The following MCOLN2 variants were observed in gnomAD, a reference collection of about 807,000 sequenced individuals.
The protein encoded by MCOLN2 is mucolipin-2.
MCOLN2 carries 57 observed loss-of-function variants against 67.5 expected under a neutral mutation model. The ratio of observed to expected loss-of-function variants is 0.84; its 90% CI spans 0.68 to 1.05. The LOEUF is 1.05. MCOLN2 is among the 50% of genes least tolerant of loss of function. The probability of loss-of-function intolerance (pLI) is 0.00; values close to 1 mark genes in which losing one functional copy is unlikely to be tolerated. For synonymous variants in MCOLN2, 246 were observed against 233.3 expected (o/e 1.05, Z -0.50); for missense variants, 620 against 678.8 (o/e 0.91, Z 0.96).
intron 11 of MCOLN2, chr1:84,937,476 C>G: frequency 2.0e-6 from 1 of 502,336 alleles, no homozygotes; most frequent in Middle Eastern, 6.5e-4. Context: ...CAAACATTTC[C>G]CATTTGATGA....
chr1:84,956,473 G>A lies in MCOLN2; in HGVS notation c.523C>T (p.Pro175Ser), dbSNP rs764082069. Reference protein sequence around the residue: ...KQHYKKGTMFPSNETLNIDND... With the variant: ...KQHYKKGTMFSSNETLNIDND... The stretch of plus-strand genomic sequence containing the variant: ...TCAATATTCAGTGTCTCATTAGAAG[G>A]AAACATGGTCCCTTTCTTGTAATGC... The change falls in exon 4 of 14, where the codon CCT becomes TCT. Residue 175 changes from proline (P) to serine (S), a missense_variant. Physicochemically the swap from Pro to Ser is moderately conservative, Grantham distance 74. Transcript: ENST00000370608. 5.0e-6 allele frequency: 8 copies of A among 1,611,082 alleles called. No homozygotes were observed. In the African/African-American group the frequency reaches 1.1e-4, roughly 22 times the overall value.
chr1:84,954,446 G>A (rs1368322252), intron 4 of MCOLN2, among the ~76,000 whole-genome samples: 1 of 152,314 alleles, frequency 6.6e-6, no homozygotes, highest in African/African-American at 2.4e-5. Flanking sequence ...CTCCATACCA[G>A]ACACTGTGCT....
At chr1:84,976,314 A>G (rs1395027726) in intron 1 of MCOLN2, among the ~76,000 whole-genome samples, 1 of 152,212 alleles carries the variant, frequency 6.6e-6, no homozygotes, top group Admixed American at 6.5e-5. Context: ...ATAACATACA[A>G]TGAAGCATCA....
intron 1 of MCOLN2, among the ~76,000 whole-genome samples, chr1:84,972,206 G>A (rs1385250079): frequency 5.9e-5 from 9 of 152,104 alleles, no homozygotes; most frequent in Non-Finnish European, 1.2e-4. Flanking sequence ...TAACTGTACC[G>A]TAAAACCACT....
intron 1 of MCOLN2, among the ~76,000 whole-genome samples, chr1:84,975,198 A>G (rs766927996): frequency 7.9e-5 from 12 of 152,158 alleles, no homozygotes; most frequent in Admixed American, 1.3e-4. Context: ...AGACACAGGA[A>G]GTAGCCAGGG....
chr1:84,977,323 G>A (rs1295119153), intron 1 of MCOLN2, among the ~76,000 whole-genome samples: 2 of 147,598 alleles, frequency 1.4e-5, no homozygotes, highest in Non-Finnish European at 2.9e-5. Flanking sequence ...AGACAAGAAA[G>A]AAGGAGAGAA....
rs796118361 is a variant in MCOLN2 at position 84,946,654 on chromosome 1, T to A, written c.847+379A>T. Among the ~76,000 whole-genome samples the A allele has an allele frequency of 2.0e-5, 3 of 152,226 alleles. No individual in the cohort carries two copies. In the South Asian group the frequency reaches 6.2e-4, roughly 31 times the overall value. On this transcript the variant is annotated intron_variant, in intron 7 of 13. Transcript: ENST00000370608. ...TTTCAAATTTTAGAGCATTTTGATT[T>A]CAGATTTTTCCGATTTGGGATGTTC...
At position 84,931,555 on chromosome 1, in the gene MCOLN2, T is replaced by C. The variant is rs376539885; in HGVS notation, c.1349A>G (p.Asn450Ser). Residue 450 changes from asparagine (N) to serine (S), a missense_variant, in exon 12 of 14, where the codon AAC (asparagine) becomes AGC (serine). Coordinates refer to ENST00000370608, the MANE Select transcript of MCOLN2 (RefSeq NM_153259.4). ...GPYHDKFENLNTVAECLFSLV... is the reference protein window; with the variant it reads ...GPYHDKFENLSTVAECLFSLV... ...AGAAAACAGACACTCAGCAACTGTG[T>C]TCAGATTTTCAAACTGTAGGGGGAA... 1.5e-5 allele frequency: 24 copies of C among 1,613,704 alleles called. No homozygotes were observed. The highest frequency in any genetic ancestry group is 1.6e-4 in the Middle Eastern group (1 of 6,084).
chr1:84,958,077 TTTTA>T (rs1343573011), intron 3 of MCOLN2, among the ~76,000 whole-genome samples: 3 of 152,292 alleles, frequency 2.0e-5, no homozygotes, highest in Admixed American at 6.5e-5. Context: ...TCCCTGATTT[TTTTA>T]TTTATTTACT....
At chr1:84,940,011 A>T (rs1647664352) in intron 8 of MCOLN2, among the ~76,000 whole-genome samples, 1 of 152,044 alleles carries the variant, frequency 6.6e-6, no homozygotes, top group Non-Finnish European at 1.5e-5. Context: ...TCCGATAACA[A>T]CCCAATGAAG....
At chr1:84,946,935 T>C in intron 7 of MCOLN2, 98 bp downstream of exon 7, 1 of 648,378 alleles carries the variant, frequency 1.5e-6, no homozygotes, top group Non-Finnish European at 2.8e-6. Context: ...GTTTTCTTCC[T>C]ATTATCATGC....
intron 1 of MCOLN2, among the ~76,000 whole-genome samples, chr1:84,991,785 C>T (rs1650900936): frequency 6.6e-6 from 1 of 152,122 alleles, no homozygotes; most frequent in African/African-American, 2.4e-5. Flanking sequence ...TTTTAAAGTG[C>T]TTCTTCTAAA....
intron 9 of MCOLN2, among the ~76,000 whole-genome samples, 155 bp downstream of exon 9, chr1:84,939,398 C>T (rs190629566): frequency 1.1e-4 from 16 of 152,258 alleles, no homozygotes; most frequent in Admixed American, 8.5e-4. Flanking sequence ...TTTCCCTTCA[C>T]GAGGAACCAA....
At chr1:84,967,113 T>A (rs1285988162) in intron 1 of MCOLN2, among the ~76,000 whole-genome samples, 1 of 152,198 alleles carries the variant, frequency 6.6e-6, no homozygotes, top group Non-Finnish European at 1.5e-5. Flanking sequence ...ATCAGTGACT[T>A]CAAGCATAGA....
chr1:84,988,579 C>G (rs1650730761), intron 1 of MCOLN2, among the ~76,000 whole-genome samples: 1 of 152,072 alleles, frequency 6.6e-6, no homozygotes, highest in Non-Finnish European at 1.5e-5. Flanking sequence ...CCTTCAAAAC[C>G]ACAAGGAGTG....
Position 84,959,588 on chromosome 1 carries a change from C to CA in MCOLN2, c.238-887_238-886insT, listed in dbSNP as rs561987731. On this transcript the variant is annotated intron_variant, in intron 2 of 13. Transcript: ENST00000370608. ...ACGCACATTCACACTCTCTCACGTG[C>CA]GTCCTCTCTGTCTCTCTCACATACA... 5.8e-4 allele frequency among the ~76,000 whole-genome samples: 89 copies of CA among 152,240 alleles called. 1 individual carries two copies. The highest frequency in any genetic ancestry group is 2.1e-3 in the African/African-American group (86 of 41,534).
chr1:84,954,907 T>TA (rs1376239945), intron 4 of MCOLN2, among the ~76,000 whole-genome samples: 1 of 152,202 alleles, frequency 6.6e-6, no homozygotes, highest in African/African-American at 2.4e-5. Flanking sequence ...TGAGAAGTAC[T>TA]ATGAAGATAA....
chr1:84,938,894 T>A (rs1174194647), intron 9 of MCOLN2, among the ~76,000 whole-genome samples: 1 of 152,042 alleles, frequency 6.6e-6, no homozygotes, highest in East Asian at 1.9e-4. Context: ...CTGACAGCTG[T>A]GTGAATGGAT....
intron 1 of MCOLN2, among the ~76,000 whole-genome samples, chr1:84,972,666 C>A (rs1286360894): frequency 6.6e-6 from 1 of 152,206 alleles, no homozygotes; most frequent in African/African-American, 2.4e-5. Context: ...ACTCTCTCCA[C>A]AAATAATCAG....
Sources: allele counts gnomAD v4.1 joint callset (sites outside exome capture counted in the v4.1 genomes callset), GRCh38; gene constraint gnomAD v4.1.1; transcripts MANE v1.5; gene names NCBI Gene and HGNC (gene_info 2026-07-23, HGNC 2026-07-21).